DHX15: variants seen among roughly 807,000 people sequenced by gnomAD.
DHX15 encodes the protein DEAH-box helicase 15, also known as ATP-dependent RNA helicase DHX15.
DHX15 carries 11 observed loss-of-function variants against 94.4 expected under a neutral mutation model. That is an observed-to-expected ratio of 0.12 (90% CI 0.07 to 0.19). The LOEUF is 0.19. Among genes scored for constraint, DHX15 ranks in the 10% least tolerant of loss-of-function variants. The pLI, the probability that DHX15 is intolerant of heterozygous loss-of-function variation, is 1.00. For synonymous variants in DHX15, 338 were observed against 329.9 expected, an observed-to-expected ratio of 1.02 and a Z score of -0.27; for missense variants, 304 against 988.5, an observed-to-expected ratio of 0.31 and a Z score of 9.29.
intron 3 of DHX15, among the ~76,000 whole-genome samples, chr4:24,569,628 T>C (rs952272217): frequency 6.6e-6 from 1 of 150,734 alleles, no homozygotes. Flanking sequence ...GAGACTCTTG[T>C]TTCATTTATC....
intron 6 of DHX15, among the ~76,000 whole-genome samples, chr4:24,546,141 A>T (rs1440777397): frequency 6.6e-6 from 1 of 152,168 alleles, no homozygotes; most frequent in Non-Finnish European, 1.5e-5. Flanking sequence ...GTCCCCAGGG[A>T]ACTCTGTGGT....
At chr4:24,542,196 G>C (rs183498746) in intron 7 of DHX15, among the ~76,000 whole-genome samples, 174 bp from the exon 8 acceptor site, 35 of 152,242 alleles carry the variant, frequency 2.3e-4, no homozygotes, top group Admixed American at 2.0e-3. Context: ...AGTTCTTTCA[G>C]ACATTCTAAT....
rs1722539612 is a variant in DHX15, at chr4:24,583,902, T to C, written c.71+421A>G. ...AGGCCCTCCCCACGGCCCCTCTGGCTGGGAAGTGCCTGCTGCCCTTGGAAG... is the reference window on the plus strand; with the variant it reads ...AGGCCCTCCCCACGGCCCCTCTGGCCGGGAAGTGCCTGCTGCCCTTGGAAG... On this transcript the variant is annotated intron_variant, in intron 1 of 13. Transcript: ENST00000336812. Among the ~76,000 whole-genome samples the C allele has an allele frequency of 2.6e-5, 4 of 152,204 alleles. No individual in the cohort carries two copies. In the South Asian group the frequency reaches 8.3e-4, roughly 32 times the overall value.
chr4:24,584,223 C>T, intron 1 of DHX15, 100 bp downstream of exon 1: 1 of 1,233,444 alleles, frequency 8.1e-7, no homozygotes, highest in Non-Finnish European at 1.1e-6. Flanking sequence ...AACAAAGGCT[C>T]GGGCTCCAGG....
chr4:24,527,996 T>C lies in DHX15; in HGVS notation c.2316A>G (p.Pro772=), dbSNP rs745438739. ...APQYYDMSNF[P]QCEAKRQLDR... Reference sequence around the variant, plus strand: ...CCAACTGTCTCTTTGCTTCACACTGTGGGAAATTGCTCATGTCATAATATT... The same window carrying C: ...CCAACTGTCTCTTTGCTTCACACTGCGGGAAATTGCTCATGTCATAATATT... The change falls in exon 14 of 14, where the codon CCA becomes CCG. Residue 772 remains proline (P), a synonymous_variant. Transcript: ENST00000336812. The C allele has an allele frequency of 6.8e-5, 109 of 1,613,934 alleles. No individual in the cohort carries two copies. The highest frequency in any genetic ancestry group is 8.5e-5 in the Non-Finnish European group (100 of 1,179,948).
chr4:24,581,858 A>G (rs1722422862), intron 1 of DHX15, among the ~76,000 whole-genome samples: 1 of 152,216 alleles, frequency 6.6e-6, no homozygotes, highest in Admixed American at 6.5e-5. Flanking sequence ...TGAGGCCAGA[A>G]TATGCAACAG....
At chr4:24,561,758 G>C (rs1721876527) in intron 3 of DHX15, among the ~76,000 whole-genome samples, 1 of 152,066 alleles carries the variant, frequency 6.6e-6, no homozygotes, top group African/African-American at 2.4e-5. Flanking sequence ...TGCACACAAA[G>C]AAAGGAACAA....
chr4:24,528,922 A>C (rs75391384), intron 13 of DHX15, among the ~76,000 whole-genome samples: 4 of 152,112 alleles, frequency 2.6e-5, no homozygotes, highest in African/African-American at 7.2e-5. Flanking sequence ...ACAAAAAAAA[A>C]CAGATTTCTG....
In DHX15 at chr4:24,576,354, C is replaced by T; in HGVS notation, c.396G>A (p.Lys132=). ...PHTPRYYDIL[K]KRLQLPVWEY... Reference sequence around the variant, plus strand: ...CCCAAACAGGGAGCTGAAGACGTTTCTTTAGAATATCATAGTATCGAGGAG... The same window carrying T: ...CCCAAACAGGGAGCTGAAGACGTTTTTTTAGAATATCATAGTATCGAGGAG... Residue 132 remains lysine, a synonymous_variant, in exon 2 of 14, where the codon AAG becomes AAA. Coordinates refer to ENST00000336812, the MANE Select transcript of DHX15 (RefSeq NM_001358.3). The T allele has an allele frequency of 6.2e-7, 1 of 1,614,160 alleles. No homozygotes were observed. Among genetic ancestry groups the T allele is most frequent in the South Asian group, 1.1e-5 (1 of 91,088 alleles).
Position 24,543,780 on chromosome 4 carries a change from T to G in DHX15, c.1249-754A>C, listed in dbSNP as rs545666057. On this transcript the variant is annotated intron_variant, in intron 6 of 13. Transcript: ENST00000336812. ...AAATACATGTTACATATAATTTTTT[T>G]TTAAACAATGGGAAATGGGGATTCC... 1.3e-4 allele frequency among the ~76,000 whole-genome samples: 20 copies of G among 152,298 alleles called. No homozygotes were observed. The South Asian group carries it at 2.9e-3, about 22-fold the overall frequency.
At chr4:24,539,548 A>C (rs1282054658) in intron 10 of DHX15, among the ~76,000 whole-genome samples, 1 of 152,162 alleles carries the variant, frequency 6.6e-6, no homozygotes, top group African/African-American at 2.4e-5. Flanking sequence ...TCTTTTACCA[A>C]GTTTTTCTAC....
chr4:24,537,280 A>G lies in DHX15; in HGVS notation c.1787-107T>C. On this transcript the variant is annotated intron_variant, in intron 10 of 13. Transcript: ENST00000336812. The surrounding 1 kb of genome is among the most constrained non-coding windows in gnomAD (Gnocchi z 4.7). ...TAGGTCAGTTCACAGAGCATAGGGC[A>G]GGGCAGGATGGCCTCCAACTGCATC... 1 of 1,468,108 alleles carries G rather than the reference A, an allele frequency of 6.8e-7. No homozygotes were observed. The allele number at this position is 1,468,108 out of a possible 1,614,324, so 90.9% of individuals were successfully genotyped here.
chr4:24,552,871 C>T (rs1162206518), intron 5 of DHX15, among the ~76,000 whole-genome samples: 3 of 152,244 alleles, frequency 2.0e-5, no homozygotes, highest in Admixed American at 6.5e-5. Flanking sequence ...TACTCCCTTC[C>T]TTTCCCCAGC....
rs370169705 is a variant in DHX15, at chr4:24,576,264, A to T, written c.486T>A (p.Thr162=). Residue 162 remains threonine, a synonymous_variant, in exon 2 of 14, where the codon ACT becomes ACA. Coordinates refer to ENST00000336812, the MANE Select transcript of DHX15 (RefSeq NM_001358.3). ...RHQSFVLVGE[T]GSGKTTQIPQ... ...TCACCTGTGTTGTTTTACCAGACCC[A>T]GTCTCACCAACCAGTACAAAGGACT... 6.2e-7 allele frequency: 1 copy of T among 1,613,860 alleles called. No homozygotes were observed. The highest frequency in any genetic ancestry group is 1.3e-5 in the African/African-American group (1 of 74,946).
At chr4:24,553,693 C>A (rs1721660246) in intron 5 of DHX15, among the ~76,000 whole-genome samples, 1 of 151,854 alleles carries the variant, frequency 6.6e-6, no homozygotes, top group African/African-American at 2.4e-5. Flanking sequence ...AAGAGAATCG[C>A]TTGAACCCGG....
chr4:24,540,353 G>GGCAAAGT, intron 9 of DHX15, 54 bp from the exon 10 acceptor site: 1 of 1,461,106 alleles, frequency 6.8e-7, no homozygotes, highest in South Asian at 1.3e-5. Flanking sequence ...GCAAAAATGT[G>GGCAAAGT]ACAAAGTACA....
At position 24,576,382 on chromosome 4, in the gene DHX15, T is replaced by C. The variant is rs772062371; in HGVS notation, c.368A>G (p.His123Arg). 3.7e-6 allele frequency: 6 copies of C among 1,614,076 alleles called. No homozygotes were observed. Among genetic ancestry groups the C allele is most frequent in the Non-Finnish European group, 4.2e-6 (5 of 1,180,012 alleles). The change falls in exon 2 of 14, where the codon CAT becomes CGT. Residue 123 changes from histidine to arginine, a missense_variant. Coordinates refer to ENST00000336812, the MANE Select transcript of DHX15 (RefSeq NM_001358.3). ...TAGAATATCATAGTATCGAGGAGTATGGGGTAAGTTGGTGAACGGATTAAT... is the reference window on the plus strand; with the variant it reads ...TAGAATATCATAGTATCGAGGAGTACGGGGTAAGTTGGTGAACGGATTAAT... ...QCINPFTNLP[H>R]TPRYYDILKK...
At chr4:24,564,775 GACA>G (rs1194012855) in intron 3 of DHX15, among the ~76,000 whole-genome samples, 2 of 152,028 alleles carry the variant, frequency 1.3e-5, no homozygotes, top group African/African-American at 2.4e-5. Context: ...TGGTTACAAT[GACA>G]ACAAACTACT....
intron 4 of DHX15, 26 bp downstream of exon 4, chr4:24,556,225 T>G (rs1721736327): frequency 6.2e-7 from 1 of 1,607,720 alleles, no homozygotes; most frequent in Non-Finnish European, 8.5e-7. Context: ...CATATATAGT[T>G]AAATGGAGAG....
Sources: gnomAD v4.1 joint callset for allele counts (sites outside exome capture counted in the v4.1 genomes callset) on GRCh38, gnomAD v4.1.1 for gene constraint, Gnocchi (gnomAD v3.1) non-coding constraint, MANE v1.5 for transcripts, NCBI Gene and HGNC (gene_info 2026-07-23, HGNC 2026-07-21) for gene names.